Variants in ZNF503 observed in about 807,000 individuals in gnomAD.
ZNF503 encodes NocA-like zinc finger 2.
In ZNF503, 15 loss-of-function variants were observed where a neutral mutation model predicts 34.4. That is an observed-to-expected ratio of 0.44 (90% CI 0.29 to 0.67). The LOEUF is 0.67. Among genes scored for constraint, ZNF503 ranks in the 30% least tolerant of loss-of-function variants. The pLI is 0.13. For synonymous variants in ZNF503, 580 were observed against 456.8 expected (o/e 1.27, Z -3.44); for missense variants, 1,007 against 926.8 (o/e 1.09, Z -1.12).
At chr10:75,316,660 C>G in the ZNF503 span, among the ~76,000 whole-genome samples, 6 of 152,080 alleles carry the variant, frequency 3.9e-5, no homozygotes, top group African/African-American at 1.4e-4. Flanking sequence ...CATACCTAGT[C>G]TCACAAAACA....
the ZNF503 span, among the ~76,000 whole-genome samples, chr10:75,302,434 A>C: frequency 1.3e-5 from 2 of 152,028 alleles, no homozygotes; most frequent in Non-Finnish European, 2.9e-5. Flanking sequence ...TTTATCTTCA[A>C]ATACTTTTTC....
chr10:75,366,392 G>A, the ZNF503 span, among the ~76,000 whole-genome samples: 1 of 152,186 alleles, frequency 6.6e-6, no homozygotes, highest in Admixed American at 6.5e-5. Context: ...TAATAGCCTG[G>A]CTAGAGGTAG....
the ZNF503 span, among the ~76,000 whole-genome samples, chr10:75,386,461 C>T: frequency 5.3e-4 from 81 of 152,216 alleles, no homozygotes; most frequent in Non-Finnish European, 1.3e-4. Context: ...GGATTTTCTT[C>T]GCCTTCCTGC....
At chr10:75,324,270 G>A in the ZNF503 span, among the ~76,000 whole-genome samples, 1 of 151,232 alleles carries the variant, frequency 6.6e-6, no homozygotes. Flanking sequence ...TAGAAGTACT[G>A]TAGTTTTACA....
chr10:75,351,842 T>C, the ZNF503 span, among the ~76,000 whole-genome samples: 15 of 152,196 alleles, frequency 9.9e-5, no homozygotes, highest in Non-Finnish European at 1.5e-4. Context: ...CAACTGGCTG[T>C]GTGACTTTCA....
At chr10:75,344,355 C>T in the ZNF503 span, among the ~76,000 whole-genome samples, 1 of 152,194 alleles carries the variant, frequency 6.6e-6, no homozygotes, top group Non-Finnish European at 1.5e-5. Flanking sequence ...ATGTGCCTAG[C>T]CCCAGACAAG....
At chr10:75,379,630 C>T in the ZNF503 span, among the ~76,000 whole-genome samples, 32 of 152,288 alleles carry the variant, frequency 2.1e-4, no homozygotes, top group East Asian at 1.3e-3. Flanking sequence ...ATACATTAGG[C>T]GGATCTTCAG....
At chr10:75,296,760 AG>A in the ZNF503 span, 1 of 152,488 alleles carries the variant, frequency 6.6e-6, no homozygotes. Flanking sequence ...AACATGGGGC[AG>A]GGGGAGGGAG....
rs989726631 is a variant in ZNF503, at chr10:75,401,523, G to A, written c.-104C>T. 6 of 1,400,158 alleles carry A rather than the reference G, an allele frequency of 4.3e-6. No individual in the cohort carries two copies. Among genetic ancestry groups the A allele is most frequent in the East Asian group, 5.9e-5 (2 of 34,066 alleles). The allele number at this position is 1,400,158 out of a possible 1,614,324, so 86.7% of individuals were successfully genotyped here. A position where few individuals can be genotyped will look rare whatever the true frequency, so the allele number is the denominator to read the frequency against. On this transcript the variant is annotated 5_prime_UTR_variant, in exon 1 of 2. Transcript: ENST00000372524. ...CCGGGAGCAGGAGCAGCGGGAGGAG[G>A]AGGAGCTGGCGCGGCGGCCACGGGC...
At chr10:75,283,559 G>A in the ZNF503 span, among the ~76,000 whole-genome samples, 10 of 152,226 alleles carry the variant, frequency 6.6e-5, no homozygotes, top group East Asian at 1.9e-3. Flanking sequence ...TCCCCTGTAT[G>A]TTTCGAGGGG....
chr10:75,281,801 C>T, the ZNF503 span, among the ~76,000 whole-genome samples: 11 of 152,196 alleles, frequency 7.2e-5, no homozygotes, highest in African/African-American at 1.4e-4. Context: ...TCCATAGACC[C>T]GGGTCCAGAG....
At chr10:75,364,552 C>T in the ZNF503 span, among the ~76,000 whole-genome samples, 1 of 152,192 alleles carries the variant, frequency 6.6e-6, no homozygotes, top group South Asian at 2.1e-4. Context: ...AGCGGTAGGG[C>T]CCCTGGGAGC....
At chr10:75,349,582 TC>T in the ZNF503 span, among the ~76,000 whole-genome samples, 3 of 152,234 alleles carry the variant, frequency 2.0e-5, no homozygotes, top group African/African-American at 7.2e-5. Context: ...TAAGTACTTT[TC>T]CCAAAGTCAC....
the ZNF503 span, among the ~76,000 whole-genome samples, chr10:75,317,264 CTTTTTTTTTTTTTTTTTTTTT>C: frequency 1.3e-5 from 1 of 74,724 alleles, no homozygotes; most frequent in Non-Finnish European, 2.4e-5. Flanking sequence ...CATCCCACGT[CTTTTTTTTTTTTTTTTTTTTT>C]TTTTTTTTTT....
the ZNF503 span, among the ~76,000 whole-genome samples, chr10:75,333,081 C>A: frequency 1.4e-5 from 2 of 145,350 alleles, no homozygotes; most frequent in Non-Finnish European, 3.0e-5. Context: ...ACCTCCCAGA[C>A]GGGGCGGCTG....
At chr10:75,290,053 G>A in the ZNF503 span, among the ~76,000 whole-genome samples, 9 of 152,206 alleles carry the variant, frequency 5.9e-5, no homozygotes, top group African/African-American at 2.2e-4. Context: ...TTGTCTCTAT[G>A]AATTTGACTA....
rs1053391 is a variant in ZNF503, at chr10:75,398,830, G to C, written c.1860C>G (p.Pro620=). 97 of 1,499,460 alleles carry C rather than the reference G, an allele frequency of 6.5e-5. No homozygotes were observed. Among genetic ancestry groups the C allele is most frequent in the Middle Eastern group, 1.8e-4 (1 of 5,526 alleles). 92.9% of individuals were successfully genotyped at this position (1,499,460 alleles called of 1,614,324 possible). ...LPTPGAPVPV[P]AATGPYYSPY... is the part of the protein sequence containing the mutation. The stretch of plus-strand genomic sequence containing the variant: ...GGGAGTAGTACGGTCCGGTGGCGGC[G>C]GGCACCGGCACGGGGGCGCCAGGCG... Residue 620 remains proline (P), a synonymous_variant, in exon 2 of 2, where the codon CCC becomes CCG. Transcript: ENST00000372524.
the ZNF503 span, among the ~76,000 whole-genome samples, chr10:75,323,277 C>A: frequency 6.6e-6 from 1 of 152,328 alleles, no homozygotes; most frequent in East Asian, 1.9e-4. Context: ...AGCTGAAAGA[C>A]CTCTGGGTTA....
the ZNF503 span, among the ~76,000 whole-genome samples, chr10:75,308,121 T>C: frequency 1.3e-5 from 2 of 149,674 alleles, no homozygotes; most frequent in Non-Finnish European, 3.0e-5. Flanking sequence ...GAGGCAATGA[T>C]AAAAATGACT....
Sources: allele counts gnomAD v4.1 joint callset (sites outside exome capture counted in the v4.1 genomes callset), GRCh38; gene constraint gnomAD v4.1.1; transcripts MANE v1.5; gene names NCBI Gene and HGNC (gene_info 2026-07-23, HGNC 2026-07-21).